ITCH: variants seen among roughly 807,000 people sequenced by gnomAD.
ITCH encodes the protein itchy E3 ubiquitin protein ligase.
Under a neutral mutation model 126.8 loss-of-function variants are expected in ITCH, and 28 were observed. That is an observed-to-expected ratio of 0.22 (90% CI 0.16 to 0.30). ITCH has a LOEUF of 0.30. ITCH is among the 10% of genes least tolerant of loss of function. The probability of loss-of-function intolerance (pLI) is 1.00; values close to 1 mark genes in which losing one functional copy is unlikely to be tolerated. For synonymous variants in ITCH, 342 were observed against 340.0 expected (o/e 1.01, Z -0.06); for missense variants, 631 against 1,032.4 (o/e 0.61, Z 5.33).
At chr20:34,401,709 G>T (rs1219661666) in intron 3 of ITCH, 107 of 695,706 alleles carry the variant, frequency 1.5e-4, no homozygotes, top group Non-Finnish European at 1.7e-4. Context: ...ACTGGTTAAT[G>T]AATTAAAAAA....
chr20:34,371,595 T>C (rs1331292344), intron 2 of ITCH, among the ~76,000 whole-genome samples: 1 of 152,168 alleles, frequency 6.6e-6, no homozygotes, highest in Non-Finnish European at 1.5e-5. Context: ...TGTTCTTTTT[T>C]ATAATCAAGA....
intron 1 of ITCH, among the ~76,000 whole-genome samples, chr20:34,366,164 T>C (rs1279424715): frequency 6.6e-6 from 1 of 152,110 alleles, no homozygotes; most frequent in Non-Finnish European, 1.5e-5. Flanking sequence ...CAAAAAGGGT[T>C]CAGGGAGTGT....
rs552026101 is a variant in ITCH, at chr20:34,417,344, G to A, written c.475+3465G>A. On this transcript the variant is annotated intron_variant, in intron 6 of 24. Coordinates refer to ENST00000374864, the MANE Select transcript of ITCH (RefSeq NM_031483.7). ...ACTCCCGACCTCAGGTGATCCGCCTGCCTCGACCTCCCAAAGTTGCTGGGA... is the reference window on the plus strand; with the variant it reads ...ACTCCCGACCTCAGGTGATCCGCCTACCTCGACCTCCCAAAGTTGCTGGGA... 1.0e-3 allele frequency: 344 copies of A among 329,406 alleles called. 1 individual carries two copies. Among genetic ancestry groups the A allele is most frequent in the Admixed American group, 1.7e-3 (38 of 21,770 alleles). 20.4% of individuals were successfully genotyped at this position (329,406 alleles called of 1,614,324 possible).
chr20:34,487,012 GT>G (rs34815799), intron 20 of ITCH, among the ~76,000 whole-genome samples: 56 of 107,818 alleles, frequency 5.2e-4, no homozygotes, highest in Middle Eastern at 7.7e-3. Context: ...TATTTGTTAG[GT>G]TTTTTTTTTT....
chr20:34,424,645 A>G, intron 7 of ITCH, 120 bp downstream of exon 7: 1 of 859,252 alleles, frequency 1.2e-6, no homozygotes, highest in South Asian at 1.4e-5. Context: ...AGAATTCAGA[A>G]CTCAAGAAGG....
At chr20:34,458,108 T>C (rs1360681362) in intron 13 of ITCH, among the ~76,000 whole-genome samples, 1 of 152,148 alleles carries the variant, frequency 6.6e-6, no homozygotes, top group Admixed American at 6.5e-5. Context: ...GGTATGTGGT[T>C]TCAAGGAGGA....
At position 34,389,261 on chromosome 20, in the gene ITCH, T is replaced by C. The variant is rs185889265; in HGVS notation, c.-21-4530T>C. On this transcript the variant is annotated intron_variant, in intron 2 of 24. Coordinates refer to ENST00000374864, the MANE Select transcript of ITCH (RefSeq NM_031483.7). ...TCAACCTTCTGGGCTCAAGCAACCCTCCCTGCTCAGCCTTCCAAAGTACTG... is the reference window on the plus strand; with the variant it reads ...TCAACCTTCTGGGCTCAAGCAACCCCCCCTGCTCAGCCTTCCAAAGTACTG... Among the ~76,000 whole-genome samples the C allele has an allele frequency of 5.0e-3, 761 of 152,262 alleles. 5 individuals carry two copies. Among genetic ancestry groups the C allele is most frequent in the Admixed American group, 9.5e-3 (145 of 15,278 alleles).
chr20:34,507,262 T>TG (rs1457258567), intron 24 of ITCH, among the ~76,000 whole-genome samples: 12 of 101,120 alleles, frequency 1.2e-4, no homozygotes, highest in Admixed American at 2.0e-4. Flanking sequence ...TGTTTTCTTC[T>TG]GTTTTTTTTT....
chr20:34,404,564 C>T (rs1428279564), intron 3 of ITCH, among the ~76,000 whole-genome samples: 1 of 151,812 alleles, frequency 6.6e-6, no homozygotes, highest in Non-Finnish European at 1.5e-5. Flanking sequence ...GGATTACAGG[C>T]GCCTGCCACC....
intron 20 of ITCH, among the ~76,000 whole-genome samples, chr20:34,486,151 AC>A (rs1337776136): frequency 6.6e-6 from 1 of 151,820 alleles, no homozygotes; most frequent in Admixed American, 6.6e-5. Context: ...GGTAGCTGGA[AC>A]CACAGGCATG....
chr20:34,490,488 G>C lies in ITCH; in HGVS notation c.2319+562G>C, dbSNP rs1989433520. ...GATCAAGACCGTCCTGGCTAACACG[G>C]TGAAATTAGCCGGGCATGGTGGCAC... On this transcript the variant is annotated intron_variant, in intron 22 of 24. Coordinates refer to ENST00000374864, the MANE Select transcript of ITCH (RefSeq NM_031483.7). 2.0e-5 allele frequency among the ~76,000 whole-genome samples: 3 copies of C among 151,968 alleles called. No individual in the cohort carries two copies. The South Asian group carries it at 6.2e-4, about 32-fold the overall frequency.
intron 2 of ITCH, among the ~76,000 whole-genome samples, chr20:34,392,041 A>C: frequency 6.6e-6 from 1 of 152,142 alleles, no homozygotes; most frequent in East Asian, 1.9e-4. Context: ...GACTTTTCTC[A>C]CTGCCCCTTA....
intron 4 of ITCH, among the ~76,000 whole-genome samples, chr20:34,412,303 A>G (rs1314910636): frequency 6.6e-6 from 1 of 152,232 alleles, no homozygotes; most frequent in Non-Finnish European, 1.5e-5. Context: ...TTACTTCTGT[A>G]GTTCAACTGC....
chr20:34,425,167 T>G (rs753563191), intron 7 of ITCH, among the ~76,000 whole-genome samples: 1 of 152,236 alleles, frequency 6.6e-6, no homozygotes, highest in Non-Finnish European at 1.5e-5. Flanking sequence ...GCTGTATTGA[T>G]TCAAGGTTTA....
chr20:34,480,008 C>A (rs867036156), intron 18 of ITCH, among the ~76,000 whole-genome samples: 2 of 152,136 alleles, frequency 1.3e-5, no homozygotes, highest in Non-Finnish European at 2.9e-5. Flanking sequence ...AGTCAGTTCT[C>A]CCGCCTCAGC....
chr20:34,372,506 G>A (rs942166157), intron 2 of ITCH, among the ~76,000 whole-genome samples: 2 of 146,380 alleles, frequency 1.4e-5, no homozygotes, highest in African/African-American at 5.1e-5. Context: ...TCAGCCTCCT[G>A]AGTAGCTGGG....
intron 3 of ITCH, among the ~76,000 whole-genome samples, chr20:34,400,468 A>C (rs1179136908): frequency 6.6e-6 from 1 of 152,034 alleles, no homozygotes; most frequent in Non-Finnish European, 1.5e-5. Context: ...AACTTGCCCT[A>C]ATACCCATGA....
At chr20:34,407,449 A>T (rs1449773862) in intron 3 of ITCH, among the ~76,000 whole-genome samples, 1 of 152,048 alleles carries the variant, frequency 6.6e-6, no homozygotes, top group Non-Finnish European at 1.5e-5. Context: ...GAAATTTTTT[A>T]GTAGAGACGA....
chr20:34,465,397 T>A (rs949683722), intron 14 of ITCH, among the ~76,000 whole-genome samples: 1 of 152,166 alleles, frequency 6.6e-6, no homozygotes, highest in Non-Finnish European at 1.5e-5. Flanking sequence ...AGGATGGATT[T>A]TTTTATTTCT....
Sources: allele counts gnomAD v4.1 joint callset (sites outside exome capture counted in the v4.1 genomes callset), GRCh38; gene constraint gnomAD v4.1.1; transcripts MANE v1.5; gene names NCBI Gene and HGNC (gene_info 2026-07-23, HGNC 2026-07-21).